The following IKZF2 variants were observed in gnomAD, a reference collection of about 807,000 sequenced individuals.
IKZF2 encodes the protein IKAROS family zinc finger 2, also known as zinc finger protein Helios.
A neutral mutation model predicts 49.2 loss-of-function variants in IKZF2; 15 were observed. The observed-to-expected ratio is 0.30, with a 90% CI of 0.20 to 0.47. The LOEUF (loss-of-function observed/expected upper bound fraction) is 0.47, where lower values mean the gene tolerates loss of function less well. IKZF2 is among the 20% of genes least tolerant of loss of function. The pLI, the probability that IKZF2 is intolerant of heterozygous loss-of-function variation, is 1.00. For missense variants in IKZF2, 567 were observed against 664.6 expected, an observed-to-expected ratio of 0.85 and a Z score of 1.61; for synonymous variants, 227 against 221.4, an observed-to-expected ratio of 1.03 and a Z score of -0.23.
intron 4 of IKZF2, among the ~76,000 whole-genome samples, chr2:213,094,191 C>T (rs968093684): frequency 3.3e-5 from 5 of 152,058 alleles, no homozygotes; most frequent in African/African-American, 1.2e-4. Flanking sequence ...TTCAAATTTC[C>T]ATCTCTTAGG....
chr2:213,143,810 T>C (rs2060954048), intron 4 of IKZF2, among the ~76,000 whole-genome samples: 3 of 152,032 alleles, frequency 2.0e-5, no homozygotes, highest in African/African-American at 7.2e-5. Flanking sequence ...GATAATCTGA[T>C]ATCACTCCAC....
chr2:213,095,164 C>A (rs187262909), intron 4 of IKZF2, among the ~76,000 whole-genome samples: 82 of 152,144 alleles, frequency 5.4e-4, no homozygotes, highest in Non-Finnish European at 5.9e-5. Context: ...GGTAAATAAA[C>A]TCTTTAAGTA....
chr2:213,072,532 A>T (rs1702821479), intron 4 of IKZF2, among the ~76,000 whole-genome samples: 1 of 152,038 alleles, frequency 6.6e-6, no homozygotes, highest in Non-Finnish European at 1.5e-5. Flanking sequence ...TAATGTCACC[A>T]AGCAGCTCAT....
chr2:213,050,995 A>G lies in IKZF2; in HGVS notation c.407-1115T>C, dbSNP rs540839904. Among the ~76,000 whole-genome samples the G allele has an allele frequency of 2.0e-5, 3 of 152,168 alleles. No individual in the cohort carries two copies. In the East Asian group the frequency reaches 5.8e-4, roughly 29 times the overall value. On this transcript the variant is annotated intron_variant, in intron 5 of 8. Coordinates refer to ENST00000434687, the MANE Select transcript of IKZF2 (RefSeq NM_001387220.1). ...AATTCCCTTTTGGTTGAACTGGACCATTTCTTTACCTGCAGTTAGATGATG... is the reference window on the plus strand; with the variant it reads ...AATTCCCTTTTGGTTGAACTGGACCGTTTCTTTACCTGCAGTTAGATGATG...
chr2:213,119,540 A>C (rs528323030), intron 4 of IKZF2, among the ~76,000 whole-genome samples: 1 of 152,306 alleles, frequency 6.6e-6, no homozygotes, highest in South Asian at 2.1e-4. Flanking sequence ...GAAAGGATGT[A>C]CCACTGTTCT....
Position 213,007,788 on chromosome 2 carries a change from A to T in IKZF2, c.1153T>A (p.Ser385Thr). ...GGTCGACTCTTTGGTCTGATGAGAG[A>T]GATGGGGCCATCCATGTTGTTTTCA... is the stretch of plus-strand genomic sequence containing the variant. The part of the protein sequence containing the change: ...SHENNMDGPI[S>T]LIRPKSRPQE... Residue 385 changes from serine (S) to threonine (T), a missense_variant, in exon 9 of 9, where the codon TCT becomes ACT. Ser to Thr is a moderately conservative substitution (Grantham distance 58). Transcript: ENST00000434687. The T allele has an allele frequency of 6.2e-7, 1 of 1,613,606 alleles. No individual in the cohort carries two copies. Among genetic ancestry groups the T allele is most frequent in the Non-Finnish European group, 8.5e-7 (1 of 1,179,750 alleles).
intron 4 of IKZF2, among the ~76,000 whole-genome samples, chr2:213,146,534 C>CT (rs2061066335): frequency 6.6e-6 from 1 of 151,774 alleles, no homozygotes; most frequent in African/African-American, 2.4e-5. Context: ...GCTAAAATTA[C>CT]TTAAAGTTAA....
intron 6 of IKZF2, among the ~76,000 whole-genome samples, chr2:213,043,843 C>A (rs1173191693): frequency 6.6e-6 from 1 of 152,188 alleles, no homozygotes; most frequent in East Asian, 1.9e-4. Context: ...TTGTAAGAGG[C>A]CACCCAGTGA....
intron 4 of IKZF2, among the ~76,000 whole-genome samples, chr2:213,091,169 T>C (rs1266985970): frequency 6.6e-6 from 1 of 152,146 alleles, no homozygotes; most frequent in Non-Finnish European, 1.5e-5. Flanking sequence ...AATGAACCAA[T>C]TAAAATTGGA....
chr2:213,016,588 A>C (rs1253154742), intron 7 of IKZF2, among the ~76,000 whole-genome samples: 3 of 152,194 alleles, frequency 2.0e-5, no homozygotes, highest in Admixed American at 2.0e-4. Flanking sequence ...TCAATAATGC[A>C]TTAATCACAT....
Position 213,087,877 on chromosome 2 carries a change from T to C in IKZF2, c.140-30778A>G, listed in dbSNP as rs185928526. Among the ~76,000 whole-genome samples, 11 of 152,362 alleles carry C rather than the reference T, an allele frequency of 7.2e-5. No homozygotes were observed. The East Asian group carries it at 2.1e-3, about 29-fold the overall frequency. On this transcript the variant is annotated intron_variant, in intron 4 of 8. Coordinates refer to ENST00000434687, the MANE Select transcript of IKZF2 (RefSeq NM_001387220.1). ...TAGTATTTATTCCATGGTGTATATG[T>C]GCCACATTTTCTTAATCCAGTCTAT...
chr2:213,103,628 C>T (rs1279713753), intron 4 of IKZF2, among the ~76,000 whole-genome samples: 1 of 152,096 alleles, frequency 6.6e-6, no homozygotes, highest in African/African-American at 2.4e-5. Flanking sequence ...TACAATAAAA[C>T]TGTGACATCA....
At chr2:213,123,458 T>C (rs2060121980) in intron 4 of IKZF2, among the ~76,000 whole-genome samples, 1 of 152,200 alleles carries the variant, frequency 6.6e-6, no homozygotes, top group South Asian at 2.1e-4. Context: ...CCATAAGTTA[T>C]TTGAATTGTC....
At chr2:213,023,152 A>C (rs1697413706) in intron 6 of IKZF2, among the ~76,000 whole-genome samples, 1 of 152,118 alleles carries the variant, frequency 6.6e-6, no homozygotes, top group Non-Finnish European at 1.5e-5. Context: ...CTCCCAGAGG[A>C]ATTATTTAGT....
At chr2:213,097,544 T>C (rs1463307798) in intron 4 of IKZF2, among the ~76,000 whole-genome samples, 1 of 152,136 alleles carries the variant, frequency 6.6e-6, no homozygotes, top group East Asian at 1.9e-4. Context: ...GTCCAGTAGA[T>C]GAGTTATTCA....
chr2:213,056,835 G>A lies in IKZF2; in HGVS notation c.404C>T (p.Thr135Ile), dbSNP rs1701200732. The change falls in exon 5 of 9, where the codon ACT becomes ATT. Residue 135 changes from threonine (T) to isoleucine (I), a missense_variant and splice_region_variant. This residue lies in a region of IKZF2 where 54 missense variants were observed against 119.9 expected (regional missense o/e 0.45). Transcript: ENST00000434687. Reference sequence around the variant, plus strand: ...AGGTTATTCTTTCAGCTGCTTACCAGTGTGACTCCTTTTATGTACCATAAG... The same window carrying A: ...AGGTTATTCTTTCAGCTGCTTACCAATGTGACTCCTTTTATGTACCATAAG... The part of the protein sequence containing the change: ...NVLMVHKRSH[T>I]GERPFHCNQC... The A allele has an allele frequency of 6.2e-7, 1 of 1,613,662 alleles. No homozygotes were observed. The highest frequency in any genetic ancestry group is 8.5e-7 in the Non-Finnish European group (1 of 1,179,794).
intron 4 of IKZF2, among the ~76,000 whole-genome samples, chr2:213,062,289 T>G (rs1574679525): frequency 6.6e-6 from 1 of 151,682 alleles, no homozygotes; most frequent in East Asian, 1.9e-4. Flanking sequence ...ATTATTAATA[T>G]GACCTGATTC....
chr2:213,050,360 T>A (rs1438798498), intron 5 of IKZF2, among the ~76,000 whole-genome samples: 1 of 152,194 alleles, frequency 6.6e-6, no homozygotes, highest in Non-Finnish European at 1.5e-5. Context: ...TCAGTTTGGC[T>A]ACAAAATCTT....
Position 213,035,321 on chromosome 2 carries a change from G to A in IKZF2, c.575-13191C>T, listed in dbSNP as rs556205154. Among the ~76,000 whole-genome samples, 83 of 151,598 alleles carry A rather than the reference G, an allele frequency of 5.5e-4. 1 individual carries two copies. The South Asian group carries it at 0.013, about 24-fold the overall frequency. On this transcript the variant is annotated intron_variant, in intron 6 of 8. Coordinates refer to ENST00000434687, the MANE Select transcript of IKZF2 (RefSeq NM_001387220.1). ...ATGATTTTTTAACTGATTCTTGCCCGTCTCCCCTTATTAAAATGTAAGCTC... is the reference window on the plus strand; with the variant it reads ...ATGATTTTTTAACTGATTCTTGCCCATCTCCCCTTATTAAAATGTAAGCTC...
Sources: gnomAD v4.1 joint callset for allele counts (sites outside exome capture counted in the v4.1 genomes callset) on GRCh38, gnomAD v4.1.1 for gene constraint, gnomAD v4.1.1 regional missense constraint, MANE v1.5 for transcripts, NCBI Gene and HGNC (gene_info 2026-07-23, HGNC 2026-07-21) for gene names.